Variants in GATA4 observed in about 807,000 individuals in gnomAD.
GATA4 encodes transcription factor GATA-4.
Under a neutral mutation model 37.9 loss-of-function variants are expected in GATA4, and 7 were observed. The ratio of observed to expected loss-of-function variants is 0.18; its 90% confidence interval spans 0.11 to 0.35. The LOEUF (loss-of-function observed/expected upper bound fraction) is 0.35, where lower values mean the gene tolerates loss of function less well. Ranked by LOEUF, GATA4 falls within the 10% of genes least tolerant of loss-of-function variation. The pLI is 1.00. For missense variants in GATA4, 647 were observed against 653.0 expected, an observed-to-expected ratio of 0.99 and a Z score of 0.10; for synonymous variants, 372 against 292.6, an observed-to-expected ratio of 1.27 and a Z score of -2.77.
At chr8:11,753,533 CGTG>C (rs1802404817) in intron 4 of GATA4, among the ~76,000 whole-genome samples, 1 of 147,016 alleles carries the variant, frequency 6.8e-6, no homozygotes, top group African/African-American at 2.5e-5. Context: ...TGGAGATTAA[CGTG>C]AGGGGGAGAT....
Position 11,709,070 on chromosome 8 carries a change from C to G in GATA4, c.616+142C>G. On this transcript the variant is annotated intron_variant, in intron 2 of 6. Transcript: ENST00000532059. The surrounding 1 kb of genome is among the most constrained non-coding windows in gnomAD (Gnocchi z 4.3). ...CACTACCTCGAGTTTCTAGGGAAGGCAGAAGCCAGTGCGGGGCTGGCGACA... is the reference window on the plus strand; with the variant it reads ...CACTACCTCGAGTTTCTAGGGAAGGGAGAAGCCAGTGCGGGGCTGGCGACA... The G allele has an allele frequency of 1.1e-6, 1 of 898,740 alleles. No homozygotes were observed. Among genetic ancestry groups the G allele is most frequent in the South Asian group, 2.1e-5 (1 of 47,500 alleles). The allele number at this position is 898,740 out of a possible 1,614,324, so 55.7% of individuals were successfully genotyped here. A position where few individuals can be genotyped will look rare whatever the true frequency, so the allele number is the denominator to read the frequency against.
At chr8:11,739,731 AGAGCTTCTGTCGTGTGCG>A (rs1048215096) in intron 2 of GATA4, among the ~76,000 whole-genome samples, 3 of 127,556 alleles carry the variant, frequency 2.4e-5, no homozygotes, top group Admixed American at 8.8e-5. Flanking sequence ...CTCTGTGTGC[AGAGCTTCTGTCGTGTGCG>A]GAGCTTCTGT....
chr8:11,693,546 CACACACACACACACACAG>C (rs1358820140), intron 1 of GATA4, among the ~76,000 whole-genome samples: 19 of 115,142 alleles, frequency 1.7e-4, no homozygotes, highest in South Asian at 3.9e-4. Flanking sequence ...CACACACACA[CACACACACACACACACAG>C]AGAGAGAGAG....
At chr8:11,682,806 G>A (rs776474799) in intron 1 of GATA4, among the ~76,000 whole-genome samples, 16 of 152,312 alleles carry the variant, frequency 1.1e-4, no homozygotes, top group South Asian at 2.1e-4. Context: ...CCTCTTGGCC[G>A]TGGCGATGTG....
upstream of GATA4, chr8:11,692,167 A>C: frequency 5.0e-6 from 2 of 397,838 alleles, no homozygotes; most frequent in Non-Finnish European, 6.8e-6. Context: ...CAGCAGCCTC[A>C]CTCCTACTTC....
chr8:11,758,492 C>A lies in GATA4; in HGVS notation c.*17C>A. 6.2e-7 allele frequency: 1 copy of A among 1,613,738 alleles called. No individual in the cohort carries two copies. The highest frequency in any genetic ancestry group is 8.5e-7 in the Non-Finnish European group (1 of 1,179,634). ...ACTGCGTAATCTTCCCTCTTCCCTC[C>A]TCAAATTCCTGCACGGACCTGGGAC... On this transcript the variant is annotated 3_prime_UTR_variant, in exon 7 of 7. Transcript: ENST00000532059.
intron 2 of GATA4, among the ~76,000 whole-genome samples, chr8:11,744,456 C>T (rs1366382772): frequency 2.6e-5 from 4 of 152,200 alleles, no homozygotes; most frequent in African/African-American, 7.2e-5. Flanking sequence ...GCATCCGAGG[C>T]CACAGCTGTG....
chr8:11,700,787 C>T (rs972731439), upstream of GATA4: 1 of 152,262 alleles, frequency 6.6e-6, no homozygotes, highest in Non-Finnish European at 1.5e-5. Context: ...AGGTTTGATT[C>T]TCTCTGGGGT....
Position 11,708,225 on chromosome 8 carries a change from T to C in GATA4, c.-88T>C, listed in dbSNP as rs545481791. On this transcript the variant is annotated 5_prime_UTR_variant, in exon 2 of 7. Coordinates refer to ENST00000532059, the MANE Select transcript of GATA4 (RefSeq NM_001308093.3). This position sits in a 1 kb window ranked among gnomAD's most constrained non-coding sequence, Gnocchi z 6.7. ...GCGACAGTTCCTCCCACGCATATTA[T>C]CGTTGTTGCCGTCGTTTTCTCTCCC... 283 of 1,431,352 alleles carry C rather than the reference T, an allele frequency of 2.0e-4. No homozygotes were observed. The African/African-American group carries it at 3.4e-3, about 17-fold the overall frequency. 88.7% of individuals were successfully genotyped at this position (1,431,352 alleles called of 1,614,324 possible).
At chr8:11,703,423 C>A (rs748698108), upstream of GATA4, among the ~76,000 whole-genome samples, 5 of 152,088 alleles carry the variant, frequency 3.3e-5, no homozygotes, top group Non-Finnish European at 5.9e-5. Context: ...CCTGGAAGAG[C>A]CCCCTCCATG....
At chr8:11,750,937 AC>A (rs1052511058) in intron 4 of GATA4, among the ~76,000 whole-genome samples, 2 of 109,806 alleles carry the variant, frequency 1.8e-5, no homozygotes, top group African/African-American at 7.8e-5. Context: ...ACAAAGTGAG[AC>A]CCTGTCTCCA....
chr8:11,695,071 C>T (rs1563191334), intron 1 of GATA4, among the ~76,000 whole-genome samples: 1 of 152,206 alleles, frequency 6.6e-6, no homozygotes, highest in Non-Finnish European at 1.5e-5. Context: ...ATGTGAACAT[C>T]GTGACCTGCA....
intron 2 of GATA4, among the ~76,000 whole-genome samples, chr8:11,715,931 C>G (rs920121146): frequency 6.6e-6 from 1 of 152,052 alleles, no homozygotes; most frequent in African/African-American, 2.4e-5. Flanking sequence ...TGAATTTGAC[C>G]ACTCTAGGGA....
intron 2 of GATA4, among the ~76,000 whole-genome samples, chr8:11,724,050 A>G (rs57225181): frequency 0.02 from 3,095 of 152,304 alleles, 122 homozygotes; most frequent in African/African-American, 0.072. Context: ...AGTTACATGG[A>G]AGGACACAGT....
intron 2 of GATA4, among the ~76,000 whole-genome samples, chr8:11,729,164 A>G (rs375121653): frequency 6.6e-6 from 1 of 152,210 alleles, no homozygotes; most frequent in African/African-American, 2.4e-5. Flanking sequence ...ACCTGGTTGC[A>G]GTGAGCCATG....
At chr8:11,692,436 T>C (rs375497347), upstream of GATA4, 17 of 834,254 alleles carry the variant, frequency 2.0e-5, no homozygotes, top group African/African-American at 1.8e-4. Flanking sequence ...TCTATCACTA[T>C]ATAATTCGAA....
upstream of GATA4, among the ~76,000 whole-genome samples, chr8:11,690,142 C>T (rs1335835074): frequency 6.6e-6 from 1 of 152,220 alleles, no homozygotes; most frequent in Non-Finnish European, 1.5e-5. Context: ...CCATAATCAC[C>T]CACCAATGGA....
chr8:11,700,345 G>A (rs1215438018), upstream of GATA4, among the ~76,000 whole-genome samples: 1 of 152,220 alleles, frequency 6.6e-6, no homozygotes, highest in African/African-American at 2.4e-5. Flanking sequence ...CTCTCCTCTC[G>A]TCTGTAACCG....
At chr8:11,692,525 G>A, upstream of GATA4, 1 of 985,458 alleles carries the variant, frequency 1.0e-6, no homozygotes, top group South Asian at 4.7e-5. Context: ...GTGAAACTAT[G>A]CTCATGCGGA....
Sources: allele counts gnomAD v4.1 joint callset (sites outside exome capture counted in the v4.1 genomes callset), GRCh38; gene constraint gnomAD v4.1.1; non-coding constraint Gnocchi (gnomAD v3.1); transcripts MANE v1.5; gene names NCBI Gene and HGNC (gene_info 2026-07-23, HGNC 2026-07-21).